DYNC1I2: variants seen among roughly 807,000 people sequenced by gnomAD.
The protein encoded by DYNC1I2 is dynein cytoplasmic 1 intermediate chain 2.
In DYNC1I2, 53 loss-of-function variants were observed where a neutral mutation model predicts 88.6. That is an observed-to-expected ratio of 0.60 (90% CI 0.48 to 0.75). DYNC1I2 has a LOEUF of 0.75. Among genes scored for constraint, DYNC1I2 ranks in the 30% least tolerant of loss-of-function variants. The pLI, the probability that DYNC1I2 is intolerant of heterozygous loss-of-function variation, is 0.00. For missense variants in DYNC1I2, 458 were observed against 766.6 expected (o/e 0.60, Z 4.75); for synonymous variants, 198 against 254.6 (o/e 0.78, Z 2.12).
chr2:171,714,378 A>G lies in DYNC1I2; in HGVS notation c.396-950A>G, dbSNP rs370849664. On this transcript the variant is annotated intron_variant, in intron 6 of 17. Transcript: ENST00000397119. ...AAATAGAACTGAAAAGAATATTTAT[A>G]TAAGAAAAAAGTTATATTACCAGCG... Among the ~76,000 whole-genome samples, 30 of 152,168 alleles carry G rather than the reference A, an allele frequency of 2.0e-4. No individual in the cohort carries two copies. The East Asian group carries it at 3.9e-3, about 20-fold the overall frequency.
chr2:171,690,006 C>T (rs1462361820), intron 1 of DYNC1I2, 141 bp from the exon 2 acceptor site: 1 of 453,318 alleles, frequency 2.2e-6, no homozygotes, highest in African/African-American at 2.0e-5. Context: ...ACTGCCCAGC[C>T]CCATTATTTT....
intron 7 of DYNC1I2, among the ~76,000 whole-genome samples, chr2:171,716,592 A>T (rs935542847): frequency 6.6e-6 from 1 of 152,202 alleles, no homozygotes; most frequent in Non-Finnish European, 1.5e-5. Flanking sequence ...TTAAATTTTC[A>T]TATTTGCCTA....
At chr2:171,690,316 T>C in intron 2 of DYNC1I2, 53 bp downstream of exon 2, 1 of 1,308,430 alleles carries the variant, frequency 7.6e-7, no homozygotes, top group Non-Finnish European at 1.1e-6. Flanking sequence ...TGGGTTTTAT[T>C]TCACATATTT....
intron 7 of DYNC1I2, among the ~76,000 whole-genome samples, chr2:171,720,076 A>G (rs1687804596): frequency 6.6e-6 from 1 of 151,982 alleles, no homozygotes; most frequent in Admixed American, 6.6e-5. Context: ...ATTAAAGGAA[A>G]AAGAAATCCT....
chr2:171,742,067 G>GAAA (rs71013069), intron 15 of DYNC1I2, among the ~76,000 whole-genome samples: 1 of 130,912 alleles, frequency 7.6e-6, no homozygotes, highest in Non-Finnish European at 1.6e-5. Context: ...CGCGGTCTCA[G>GAAA]AAAAAAAAAA....
At chr2:171,736,302 A>G (rs1347155138) in intron 15 of DYNC1I2, among the ~76,000 whole-genome samples, 3 of 152,214 alleles carry the variant, frequency 2.0e-5, no homozygotes, top group Admixed American at 6.5e-5. Context: ...TTTAATCAGT[A>G]TACTAGAGTT....
intron 7 of DYNC1I2, among the ~76,000 whole-genome samples, chr2:171,722,200 G>GT (rs1687946806): frequency 6.6e-6 from 1 of 152,004 alleles, no homozygotes; most frequent in Non-Finnish European, 1.5e-5. Context: ...TCATTCTTTC[G>GT]TGTTACTTGT....
intron 14 of DYNC1I2, 48 bp from the exon 15 acceptor site, chr2:171,729,661 G>A (rs751751442): frequency 2.5e-6 from 4 of 1,599,466 alleles, no homozygotes; most frequent in East Asian, 2.2e-5. Context: ...TATGTAATTG[G>A]TCTACTTATA....
intron 15 of DYNC1I2, among the ~76,000 whole-genome samples, chr2:171,742,072 A>G (rs1385984844): frequency 6.6e-6 from 1 of 152,090 alleles, no homozygotes; most frequent in African/African-American, 2.4e-5. Context: ...TCTCAGAAAA[A>G]AAAAAAAAAA....
rs750902760 is a variant in DYNC1I2 at position 171,745,861 on chromosome 2, C to G, written c.1737C>G (p.Thr579=). The G allele has an allele frequency of 1.2e-6, 2 of 1,613,770 alleles. No individual in the cohort carries two copies. Among genetic ancestry groups the G allele is most frequent in the Non-Finnish European group, 1.7e-6 (2 of 1,179,788 alleles). ...GNPALNRVRW[T]HSGREIAVGD... is the part of the protein sequence containing the mutation. The stretch of plus-strand genomic sequence containing the variant: ...CTGCTCTTAATCGTGTGAGATGGAC[C>G]CATTCTGGCAGAGAGATTGCTGTGG... The change falls in exon 17 of 18, where the codon ACC becomes ACG. Residue 579 remains threonine (T), a synonymous_variant. Coordinates refer to ENST00000397119, the MANE Select transcript of DYNC1I2 (RefSeq NM_001378.3).
chr2:171,745,538 C>T (rs1427436604), intron 16 of DYNC1I2, among the ~76,000 whole-genome samples: 3 of 152,134 alleles, frequency 2.0e-5, no homozygotes, highest in South Asian at 2.1e-4. Flanking sequence ...ATTCTTTATT[C>T]AAGAGAAGAC....
At chr2:171,743,550 A>C (rs568308770) in intron 15 of DYNC1I2, among the ~76,000 whole-genome samples, 1 of 152,164 alleles carries the variant, frequency 6.6e-6, no homozygotes, top group African/African-American at 2.4e-5. Context: ...GCCTTCCTTC[A>C]TCTTCTTCCC....
At chr2:171,702,197 A>C (rs1686314850) in intron 3 of DYNC1I2, among the ~76,000 whole-genome samples, 1 of 152,254 alleles carries the variant, frequency 6.6e-6, no homozygotes, top group Non-Finnish European at 1.5e-5. Flanking sequence ...TTAACACTGT[A>C]TTTAGATTTA....
chr2:171,738,051 GC>G (rs1307498362), intron 15 of DYNC1I2, among the ~76,000 whole-genome samples: 1 of 152,088 alleles, frequency 6.6e-6, no homozygotes, highest in African/African-American at 2.4e-5. Context: ...AAAATACTCA[GC>G]CAGGCGCAGT....
At chr2:171,700,543 G>A (rs1220115151) in intron 3 of DYNC1I2, among the ~76,000 whole-genome samples, 1 of 152,198 alleles carries the variant, frequency 6.6e-6, no homozygotes, top group Non-Finnish European at 1.5e-5. Flanking sequence ...TCTTAGATGG[G>A]TCACTAAACC....
chr2:171,726,765 C>CTTTTCTTCTT, intron 10 of DYNC1I2, 26 bp from the exon 11 acceptor site: 1 of 1,608,950 alleles, frequency 6.2e-7, no homozygotes. Context: ...CATAGCATTT[C>CTTTTCTTCTT]TTTTCTTCTT....
Position 171,714,341 on chromosome 2 carries a change from G to T in DYNC1I2, c.396-987G>T, listed in dbSNP as rs980396135. On this transcript the variant is annotated intron_variant, in intron 6 of 17. Transcript: ENST00000397119. ...GCTTTATTAGATTGTATAGGACTTG[G>T]ATTTAGTTACTAAATAGAACTGAAA... is the stretch of plus-strand genomic sequence containing the variant. Among the ~76,000 whole-genome samples, 3 of 151,828 alleles carry T rather than the reference G, an allele frequency of 2.0e-5. No homozygotes were observed. In the South Asian group the frequency reaches 6.2e-4, roughly 32 times the overall value.
At position 171,749,449 on chromosome 2, in the gene DYNC1I2, T is replaced by C. The variant is rs1381730445; in HGVS notation, c.*1560T>C. 6.6e-6 allele frequency among the ~76,000 whole-genome samples: 1 copy of C among 152,162 alleles called. No individual in the cohort carries two copies. Among genetic ancestry groups the C allele is most frequent in the Non-Finnish European group, 1.5e-5 (1 of 67,982 alleles). On this transcript the variant is annotated 3_prime_UTR_variant, in exon 18 of 18. Coordinates refer to ENST00000397119, the MANE Select transcript of DYNC1I2 (RefSeq NM_001378.3). Reference sequence around the variant, plus strand: ...GACAATATCTCAAGTTATCTCATTGTAGCAGTGTCTGTGAGTCAAAACTTC... The same window carrying C: ...GACAATATCTCAAGTTATCTCATTGCAGCAGTGTCTGTGAGTCAAAACTTC...
At chr2:171,723,764 T>TA (rs1688053234) in intron 7 of DYNC1I2, among the ~76,000 whole-genome samples, 1 of 152,220 alleles carries the variant, frequency 6.6e-6, no homozygotes, top group Non-Finnish European at 1.5e-5. Flanking sequence ...AGAATTCTTT[T>TA]ACGTGTTCTT....
Sources: gnomAD v4.1 joint callset for allele counts (sites outside exome capture counted in the v4.1 genomes callset) on GRCh38, gnomAD v4.1.1 for gene constraint, MANE v1.5 for transcripts, NCBI Gene and HGNC (gene_info 2026-07-23, HGNC 2026-07-21) for gene names.